THSD7B: variants seen among roughly 807,000 people sequenced by gnomAD.
The protein encoded by THSD7B is thrombospondin type 1 domain containing 7B.
A neutral mutation model predicts 213.6 loss-of-function variants in THSD7B; 138 were observed. The ratio of observed to expected loss-of-function variants is 0.65; its 90% confidence interval spans 0.56 to 0.74. The LOEUF is 0.74. Ranked by LOEUF, THSD7B falls within the 30% of genes least tolerant of loss-of-function variation. THSD7B has a pLI of 0.00. For missense variants in THSD7B, 1,931 were observed against 1,991.5 expected (o/e 0.97, Z 0.58); for synonymous variants, 742 against 687.0 (o/e 1.08, Z -1.25).
At chr2:137,473,451 G>T (rs566965541) in intron 15 of THSD7B, among the ~76,000 whole-genome samples, 1 of 151,892 alleles carries the variant, frequency 6.6e-6, no homozygotes, top group Non-Finnish European at 1.5e-5. Flanking sequence ...CTCATGATCC[G>T]CCCGCCTCGG....
intron 2 of THSD7B, among the ~76,000 whole-genome samples, chr2:136,935,925 T>C (rs1221181611): frequency 1.4e-5 from 2 of 148,048 alleles, no homozygotes; most frequent in Non-Finnish European, 3.0e-5. Flanking sequence ...TATAATCTTA[T>C]ATAATTATAA....
intron 5 of THSD7B, among the ~76,000 whole-genome samples, chr2:137,140,960 T>C (rs1486233476): frequency 6.6e-6 from 1 of 152,210 alleles, no homozygotes; most frequent in Admixed American, 6.5e-5. Context: ...AGGTGATATT[T>C]AAGTAGAGAC....
chr2:137,487,600 A>C (rs1232062471), intron 15 of THSD7B, among the ~76,000 whole-genome samples: 1 of 151,692 alleles, frequency 6.6e-6, no homozygotes, highest in Admixed American at 6.6e-5. Flanking sequence ...AGAAGAATCA[A>C]ATAGATGCAA....
intron 19 of THSD7B, among the ~76,000 whole-genome samples, chr2:137,619,689 A>G (rs1682478593): frequency 3.9e-5 from 6 of 152,252 alleles, no homozygotes; most frequent in Admixed American, 3.3e-4. Flanking sequence ...ATTCATTAAT[A>G]GAAAGTCAGT....
At chr2:137,131,272 G>T (rs1486520179) in intron 5 of THSD7B, among the ~76,000 whole-genome samples, 2 of 151,320 alleles carry the variant, frequency 1.3e-5, no homozygotes, top group South Asian at 2.1e-4. Flanking sequence ...GTAGATTCTG[G>T]ATATTAGCCC....
intron 2 of THSD7B, among the ~76,000 whole-genome samples, chr2:136,928,630 CTG>C (rs1345823786): frequency 9.9e-5 from 15 of 152,084 alleles, no homozygotes; most frequent in African/African-American, 3.6e-4. Flanking sequence ...CAAAAAATAA[CTG>C]TATTTTACAT....
At chr2:137,606,722 C>T (rs527379518) in intron 17 of THSD7B, among the ~76,000 whole-genome samples, 79 of 151,882 alleles carry the variant, frequency 5.2e-4, no homozygotes, top group Admixed American at 1.2e-3. Context: ...TTTGGCTCGA[C>T]TTTAAATTTG....
At chr2:137,186,343 C>T (rs1316273274) in intron 7 of THSD7B, among the ~76,000 whole-genome samples, 2 of 152,028 alleles carry the variant, frequency 1.3e-5, no homozygotes, top group Admixed American at 6.6e-5. Flanking sequence ...AGGTTTTCTT[C>T]TAAGAATTTT....
chr2:137,553,672 C>A (rs181662714), intron 15 of THSD7B, among the ~76,000 whole-genome samples: 19 of 152,164 alleles, frequency 1.2e-4, no homozygotes, highest in Non-Finnish European at 1.6e-4. Flanking sequence ...CCCTATTAAA[C>A]CTTGTTATTT....
intron 3 of THSD7B, among the ~76,000 whole-genome samples, chr2:137,070,921 CAA>C (rs1687473171): frequency 6.6e-6 from 1 of 151,798 alleles, no homozygotes; most frequent in Admixed American, 6.6e-5. Flanking sequence ...CATAGTATTC[CAA>C]AGTGTATATG....
intron 17 of THSD7B, among the ~76,000 whole-genome samples, chr2:137,586,718 T>C (rs934187253): frequency 1.3e-5 from 2 of 152,244 alleles, no homozygotes; most frequent in African/African-American, 4.8e-5. Flanking sequence ...GTTAGTCTGA[T>C]GGGCTTCCCT....
chr2:136,891,346 T>C (rs1328232915), intron 2 of THSD7B, among the ~76,000 whole-genome samples: 1 of 152,206 alleles, frequency 6.6e-6, no homozygotes, highest in Admixed American at 6.5e-5. Flanking sequence ...GATTCAACAT[T>C]CCATGTACAT....
chr2:137,671,848 C>T (rs916920563), intron 27 of THSD7B, among the ~76,000 whole-genome samples: 1 of 152,158 alleles, frequency 6.6e-6, no homozygotes, highest in Non-Finnish European at 1.5e-5. Flanking sequence ...CTTGTTTCCC[C>T]TTGCTAGCTA....
At chr2:137,181,036 A>T (rs149391231) in intron 7 of THSD7B, among the ~76,000 whole-genome samples, 4 of 152,268 alleles carry the variant, frequency 2.6e-5, no homozygotes, top group African/African-American at 9.6e-5. Context: ...GCCCACACAC[A>T]TTTCCCTCTG....
chr2:136,919,589 C>T (rs1684401279), intron 2 of THSD7B, among the ~76,000 whole-genome samples: 1 of 152,234 alleles, frequency 6.6e-6, no homozygotes, highest in Non-Finnish European at 1.5e-5. Flanking sequence ...GTTCAGGGGA[C>T]TTTTCTCTCT....
intron 2 of THSD7B, among the ~76,000 whole-genome samples, chr2:136,994,358 A>C (rs1178574521): frequency 6.6e-6 from 1 of 152,118 alleles, no homozygotes; most frequent in Admixed American, 6.6e-5. Context: ...CGAGGTTAGG[A>C]GATCGAGACC....
chr2:137,307,136 C>T (rs1028614487), intron 12 of THSD7B, among the ~76,000 whole-genome samples: 2 of 152,066 alleles, frequency 1.3e-5, no homozygotes, highest in Admixed American at 6.6e-5. Flanking sequence ...AGGTGTAACA[C>T]CTGAAATGGA....
chr2:136,859,862 A>G (rs1683232609), intron 1 of THSD7B, among the ~76,000 whole-genome samples: 1 of 152,162 alleles, frequency 6.6e-6, no homozygotes. Context: ...CTACAATGGA[A>G]TGAGCGCAGG....
At chr2:137,283,858 C>A (rs1012551831) in intron 12 of THSD7B, among the ~76,000 whole-genome samples, 1 of 152,016 alleles carries the variant, frequency 6.6e-6, no homozygotes, top group Non-Finnish European at 1.5e-5. Context: ...GTCTAAAATT[C>A]TCTTTTTTGG....
Sources: gnomAD v4.1 joint callset for allele counts (sites outside exome capture counted in the v4.1 genomes callset) on GRCh38, gnomAD v4.1.1 for gene constraint, MANE v1.5 for transcripts, NCBI Gene and HGNC (gene_info 2026-07-23, HGNC 2026-07-21) for gene names.